Variants in CORIN observed in about 807,000 individuals in gnomAD.
The protein encoded by CORIN is corin, serine peptidase.
Under a neutral mutation model 125.3 loss-of-function variants are expected in CORIN, and 117 were observed. That is an observed-to-expected ratio of 0.93 (90% CI 0.80 to 1.09). The LOEUF is 1.09. CORIN is among the 50% of genes least tolerant of loss of function. CORIN has a pLI of 0.00. For missense variants in CORIN, 1,253 were observed against 1,306.7 expected (o/e 0.96, Z 0.63); for synonymous variants, 450 against 466.4 (o/e 0.96, Z 0.45).
At chr4:47,752,244 C>T (rs530955139) in intron 4 of CORIN, among the ~76,000 whole-genome samples, 21 of 152,124 alleles carry the variant, frequency 1.4e-4, no homozygotes, top group African/African-American at 4.1e-4. Context: ...ATCCGCTAAA[C>T]GAGTATTTAT....
chr4:47,715,442 A>G (rs1207722626), intron 5 of CORIN, among the ~76,000 whole-genome samples: 1 of 151,266 alleles, frequency 6.6e-6, no homozygotes, highest in Non-Finnish European at 1.5e-5. Context: ...CCTCGTCTCT[A>G]CTAAAATACA....
chr4:47,749,480 G>T (rs552063984), intron 4 of CORIN, among the ~76,000 whole-genome samples: 1 of 152,262 alleles, frequency 6.6e-6, no homozygotes, highest in African/African-American at 2.4e-5. Flanking sequence ...AATCACATGA[G>T]CTTGGAAGTT....
chr4:47,754,383 A>C (rs143030384), intron 4 of CORIN, among the ~76,000 whole-genome samples: 9 of 152,298 alleles, frequency 5.9e-5, no homozygotes, highest in Non-Finnish European at 1.3e-4. Flanking sequence ...AGGTTAGCAG[A>C]TAAATTCAGG....
At chr4:47,597,838 G>A (rs1015826604) in intron 21 of CORIN, among the ~76,000 whole-genome samples, 10 of 152,104 alleles carry the variant, frequency 6.6e-5, no homozygotes, top group African/African-American at 1.7e-4. Flanking sequence ...ATAAACAAAC[G>A]AATAAGGCAC....
intron 2 of CORIN, among the ~76,000 whole-genome samples, chr4:47,803,376 A>G (rs1731628618): frequency 6.6e-6 from 1 of 152,208 alleles, no homozygotes; most frequent in African/African-American, 2.4e-5. Context: ...ATATGGAACC[A>G]CAAAAGACCC....
intron 20 of CORIN, among the ~76,000 whole-genome samples, chr4:47,602,904 T>C (rs1329351496): frequency 6.6e-6 from 1 of 152,092 alleles, no homozygotes; most frequent in Non-Finnish European, 1.5e-5. Context: ...TCTCATTCTG[T>C]TACCCAGGCA....
At chr4:47,684,756 GTCTC>G (rs765167246) in intron 6 of CORIN, among the ~76,000 whole-genome samples, 1 of 152,234 alleles carries the variant, frequency 6.6e-6, no homozygotes, top group East Asian at 1.9e-4. Context: ...GATATCCAGA[GTCTC>G]TATAGAACTC....
chr4:47,780,815 A>T (rs894402317), intron 3 of CORIN, among the ~76,000 whole-genome samples: 1 of 152,188 alleles, frequency 6.6e-6, no homozygotes, highest in African/African-American at 2.4e-5. Context: ...ACTGGTATAA[A>T]TTCAAGTTAG....
At chr4:47,725,569 T>C (rs1381827699) in intron 5 of CORIN, among the ~76,000 whole-genome samples, 1 of 151,994 alleles carries the variant, frequency 6.6e-6, no homozygotes, top group Non-Finnish European at 1.5e-5. Context: ...GGACATCCAT[T>C]TGGAAAAGGA....
In CORIN at chr4:47,632,600, G is replaced by T. The variant is rs1285644090; in HGVS notation, c.2199-6079C>A. The T allele has an allele frequency of 2.6e-5, 4 of 152,140 alleles. No individual in the cohort carries two copies. In the East Asian group the frequency reaches 7.7e-4, roughly 29 times the overall value. The allele number at this position is 152,140 out of a possible 1,614,324, so 9.4% of individuals were successfully genotyped here. A position where few individuals can be genotyped will look rare whatever the true frequency, so the allele number is the denominator to read the frequency against. ...CAGGCTGGATAGCTCAGTTCAATGG[G>T]AGTTTATACAGCAAAACTTTCATCA... On this transcript the variant is annotated intron_variant, in intron 16 of 21. Coordinates refer to ENST00000273857, the MANE Select transcript of CORIN (RefSeq NM_006587.4).
chr4:47,747,676 T>C (rs550531725), intron 4 of CORIN, among the ~76,000 whole-genome samples: 1 of 152,256 alleles, frequency 6.6e-6, no homozygotes, highest in South Asian at 2.1e-4. Flanking sequence ...ACTCTTACGG[T>C]GGTCATTTTT....
chr4:47,632,770 T>TAG lies in CORIN; in HGVS notation c.2199-6251_2199-6250dup, dbSNP rs1471904977. Among the ~76,000 whole-genome samples the TAG allele has an allele frequency of 1.3e-3, 141 of 111,492 alleles. 1 individual carries two copies. The highest frequency in any genetic ancestry group is 2.2e-3 in the Non-Finnish European group (116 of 52,362). 73.1% of individuals were successfully genotyped at this position (111,492 alleles called of 152,430 possible). A position where few individuals can be genotyped will look rare whatever the true frequency, so the allele number is the denominator to read the frequency against. ...AGATAGATAGATAGATAGATAGAGA[T>TAG]AGATAGTTAGATAGATTTTTTTTTT... On this transcript the variant is annotated intron_variant, in intron 16 of 21. Transcript: ENST00000273857.
At chr4:47,798,922 C>T (rs191085823) in intron 2 of CORIN, among the ~76,000 whole-genome samples, 35 of 151,188 alleles carry the variant, frequency 2.3e-4, no homozygotes, top group Non-Finnish European at 4.6e-4. Context: ...TCCCCAGTGT[C>T]TATTGTTCCC....
chr4:47,665,493 C>T (rs375965129), intron 10 of CORIN, among the ~76,000 whole-genome samples: 3 of 152,292 alleles, frequency 2.0e-5, no homozygotes, highest in African/African-American at 7.2e-5. Context: ...ACTGTGACAA[C>T]ATCTTGCTTT....
chr4:47,662,471 T>A (rs187379136), intron 11 of CORIN, among the ~76,000 whole-genome samples: 104 of 152,340 alleles, frequency 6.8e-4, no homozygotes, highest in African/African-American at 2.4e-3. Flanking sequence ...TTGTATCAGG[T>A]GCTTTCGTGC....
intron 5 of CORIN, among the ~76,000 whole-genome samples, chr4:47,733,862 C>T (rs1228643674): frequency 1.3e-5 from 2 of 152,038 alleles, no homozygotes; most frequent in African/African-American, 4.8e-5. Context: ...AACAAAATAC[C>T]TTAGGAGTTA....
At chr4:47,736,471 A>T (rs1728141509) in intron 5 of CORIN, among the ~76,000 whole-genome samples, 1 of 152,216 alleles carries the variant, frequency 6.6e-6, no homozygotes, top group Non-Finnish European at 1.5e-5. Flanking sequence ...TAACTATAGA[A>T]CAAAGAGTCT....
At chr4:47,731,892 A>G (rs1727891164) in intron 5 of CORIN, among the ~76,000 whole-genome samples, 2 of 151,894 alleles carry the variant, frequency 1.3e-5, no homozygotes, top group Admixed American at 1.3e-4. Context: ...AAAAAAAATT[A>G]GCAAATGTTG....
intron 2 of CORIN, among the ~76,000 whole-genome samples, chr4:47,788,917 T>G (rs73150682): frequency 5.6e-4 from 86 of 152,346 alleles, no homozygotes; most frequent in African/African-American, 2.0e-3. Flanking sequence ...CACTTGTTCC[T>G]AACTTTTTGG....
Sources: allele counts gnomAD v4.1 joint callset (sites outside exome capture counted in the v4.1 genomes callset), GRCh38; gene constraint gnomAD v4.1.1; transcripts MANE v1.5; gene names NCBI Gene and HGNC (gene_info 2026-07-23, HGNC 2026-07-21).